Variants in ROR2 observed in about 807,000 individuals in gnomAD.
ROR2 encodes ROR family WNT receptor 2, also known as tyrosine-protein kinase transmembrane receptor ROR2.
Under a neutral mutation model 74.9 loss-of-function variants are expected in ROR2, and 33 were observed. The ratio of observed to expected loss-of-function variants is 0.44; its 90% CI spans 0.33 to 0.59. ROR2 has a LOEUF of 0.59. Among genes scored for constraint, ROR2 ranks in the 20% least tolerant of loss-of-function variants. The pLI is 0.02. For missense variants in ROR2, 1,216 were observed against 1,313.8 expected (o/e 0.93, Z 1.15); for synonymous variants, 586 against 558.7 (o/e 1.05, Z -0.69).
intron 2 of ROR2, among the ~76,000 whole-genome samples, chr9:91,762,889 C>G (rs1825957720): frequency 6.6e-6 from 1 of 152,162 alleles, no homozygotes; most frequent in South Asian, 2.1e-4. Context: ...CATTTAATGA[C>G]CACCTATATA....
At chr9:91,803,534 A>G (rs1426556553) in intron 1 of ROR2, among the ~76,000 whole-genome samples, 1 of 152,238 alleles carries the variant, frequency 6.6e-6, no homozygotes, top group African/African-American at 2.4e-5. Context: ...TCTGTTATGT[A>G]TTTTTTAACA....
At chr9:91,885,931 T>C (rs1348195171) in intron 1 of ROR2, among the ~76,000 whole-genome samples, 2 of 136,154 alleles carry the variant, frequency 1.5e-5, no homozygotes, top group South Asian at 2.4e-4. Flanking sequence ...TGGAGAACAA[T>C]GTCGCAATCT....
At chr9:91,770,532 A>G (rs916622185) in intron 2 of ROR2, among the ~76,000 whole-genome samples, 2 of 152,212 alleles carry the variant, frequency 1.3e-5, no homozygotes, top group African/African-American at 4.8e-5. Context: ...TCCTGGAACC[A>G]GGCGTGCACC....
At chr9:91,730,835 G>T in intron 7 of ROR2, 75 bp downstream of exon 7, 1 of 1,598,632 alleles carries the variant, frequency 6.3e-7, no homozygotes, top group Non-Finnish European at 8.5e-7. Flanking sequence ...CCCAACCCAG[G>T]TCAGGACAGA....
chr9:91,771,032 C>G (rs113948757), intron 2 of ROR2, among the ~76,000 whole-genome samples: 2 of 152,310 alleles, frequency 1.3e-5, no homozygotes, highest in Non-Finnish European at 2.9e-5. Flanking sequence ...TAGTTCAGCA[C>G]CACAGCCTGA....
intron 1 of ROR2, among the ~76,000 whole-genome samples, chr9:91,789,071 T>TACTTC (rs1261475818): frequency 3.3e-5 from 5 of 152,160 alleles, no homozygotes; most frequent in African/African-American, 9.7e-5. Flanking sequence ...ATGTAATGTA[T>TACTTC]ACTTCACGAT....
chr9:91,892,764 A>G (rs1032776331), intron 1 of ROR2, among the ~76,000 whole-genome samples: 1 of 150,834 alleles, frequency 6.6e-6, no homozygotes, highest in African/African-American at 2.4e-5. Flanking sequence ...TAATTTTTGT[A>G]TTTTTTTAGT....
intron 1 of ROR2, among the ~76,000 whole-genome samples, chr9:91,786,003 C>T (rs552258655): frequency 2.2e-4 from 33 of 152,200 alleles, no homozygotes; most frequent in Admixed American, 5.2e-4. Context: ...ACAGAAGTGT[C>T]TCCAATACAT....
In ROR2 at chr9:91,733,221, G is replaced by C; in HGVS notation, c.838C>G (p.Arg280Gly). 6.2e-7 allele frequency: 1 copy of C among 1,611,868 alleles called. No homozygotes were observed. Among genetic ancestry groups the C allele is most frequent in the South Asian group, 1.1e-5 (1 of 90,778 alleles). The change falls in exon 6 of 9, where the codon CGG (arginine) becomes GGG (glycine). Residue 280 changes from arginine (R) to glycine (G), a missense_variant. Coordinates refer to ENST00000375708, the MANE Select transcript of ROR2 (RefSeq NM_004560.4). The surrounding 1 kb of genome is among the most constrained non-coding windows in gnomAD (Gnocchi z 5.7). Reference protein sequence around the residue: ...IARSNPLILMRLQLPKCEALP... With the variant: ...IARSNPLILMGLQLPKCEALP... ...GCCTCACACTTGGGCAGCTGAAGCCGCATGAGGATGAGCGGGTTGGAGCGG... is the reference window on the plus strand; with the variant it reads ...GCCTCACACTTGGGCAGCTGAAGCCCCATGAGGATGAGCGGGTTGGAGCGG...
Position 91,737,327 on chromosome 9 carries a change from C to T in ROR2, c.622+64G>A, listed in dbSNP as rs534650781. ...TTAACTGATGAAACACAGTGGCCAC[C>T]ATCTGTGCGACAGATGGCTGTGTGC... On this transcript the variant is annotated intron_variant, in intron 5 of 8. Transcript: ENST00000375708. 9 of 1,608,514 alleles carry T rather than the reference C, an allele frequency of 5.6e-6. No individual in the cohort carries two copies. In the African/African-American group the frequency reaches 9.3e-5, roughly 17 times the overall value.
intron 1 of ROR2, among the ~76,000 whole-genome samples, chr9:91,942,812 G>A (rs1039206615): frequency 6.6e-6 from 1 of 152,162 alleles, no homozygotes. Context: ...TGAGCCACCA[G>A]GAACTAAAAG....
intron 1 of ROR2, among the ~76,000 whole-genome samples, chr9:91,930,272 C>T (rs1564046635): frequency 6.6e-6 from 1 of 152,234 alleles, no homozygotes; most frequent in East Asian, 1.9e-4. Flanking sequence ...CCCACCTTTG[C>T]TGTGCAAACT....
intron 1 of ROR2, among the ~76,000 whole-genome samples, chr9:91,890,960 T>C (rs1352214433): frequency 2.0e-5 from 3 of 152,244 alleles, no homozygotes; most frequent in African/African-American, 7.2e-5. Flanking sequence ...ATTTTTTTAA[T>C]GCTGAACCAT....
chr9:91,816,378 G>A lies in ROR2; in HGVS notation c.98-40560C>T, dbSNP rs191360714. On this transcript the variant is annotated intron_variant, in intron 1 of 8. Transcript: ENST00000375708. ...CTCCAAATCTTCACCAACCCCAGCCGAGGACCTGCCCAGGCTCTTTGGGCA... is the reference window on the plus strand; with the variant it reads ...CTCCAAATCTTCACCAACCCCAGCCAAGGACCTGCCCAGGCTCTTTGGGCA... Among the ~76,000 whole-genome samples, 39 of 152,130 alleles carry A rather than the reference G, an allele frequency of 2.6e-4. No individual in the cohort carries two copies. The East Asian group carries it at 6.0e-3, about 23-fold the overall frequency.
intron 2 of ROR2, among the ~76,000 whole-genome samples, chr9:91,774,502 T>C (rs917857941): frequency 3.3e-5 from 5 of 152,196 alleles, no homozygotes; most frequent in African/African-American, 1.2e-4. Flanking sequence ...GATGAGGTCA[T>C]GATGGGGGTG....
chr9:91,839,047 A>C (rs1206546130), intron 1 of ROR2, among the ~76,000 whole-genome samples: 2 of 152,186 alleles, frequency 1.3e-5, no homozygotes, highest in Non-Finnish European at 2.9e-5. Flanking sequence ...AAAAGCACAC[A>C]CTACACAACA....
intron 1 of ROR2, among the ~76,000 whole-genome samples, chr9:91,947,370 G>A (rs1299845685): frequency 1.3e-5 from 2 of 152,180 alleles, no homozygotes; most frequent in Admixed American, 6.5e-5. Context: ...AGTTAAGCAG[G>A]ATCTCACAAT....
intron 2 of ROR2, among the ~76,000 whole-genome samples, chr9:91,770,023 C>T (rs1826178505): frequency 6.6e-6 from 1 of 152,246 alleles, no homozygotes; most frequent in Non-Finnish European, 1.5e-5. Context: ...AGACCACCAG[C>T]AGTTCCATGT....
intron 1 of ROR2, among the ~76,000 whole-genome samples, chr9:91,811,334 C>T (rs1295137777): frequency 1.3e-5 from 2 of 152,204 alleles, no homozygotes; most frequent in Non-Finnish European, 2.9e-5. Context: ...TTTGTGTGGC[C>T]GGGGGTGCTC....
Sources: gnomAD v4.1 joint callset for allele counts (sites outside exome capture counted in the v4.1 genomes callset) on GRCh38, gnomAD v4.1.1 for gene constraint, Gnocchi (gnomAD v3.1) non-coding constraint, MANE v1.5 for transcripts, NCBI Gene and HGNC (gene_info 2026-07-23, HGNC 2026-07-21) for gene names.